The following STPG2 variants were observed in gnomAD, a reference collection of about 807,000 sequenced individuals.
The protein encoded by STPG2 is sperm tail PG-rich repeat containing 2.
Under a neutral mutation model 54.2 loss-of-function variants are expected in STPG2, and 56 were observed. The ratio of observed to expected loss-of-function variants is 1.03; its 90% CI spans 0.83 to 1.29. STPG2 has a LOEUF of 1.29. STPG2 is among the 50% of genes most tolerant of loss of function. The pLI is 0.00. For synonymous variants in STPG2, 200 were observed against 181.8 expected (o/e 1.10, Z -0.81); for missense variants, 596 against 544.9 (o/e 1.09, Z -0.93).
intron 10 of STPG2, among the ~76,000 whole-genome samples, chr4:97,586,452 C>T (rs1295969780): frequency 4.6e-5 from 7 of 151,984 alleles, no homozygotes; most frequent in Admixed American, 4.6e-4. Context: ...ATGGAAGACA[C>T]ATAATTACAT....
intron 9 of STPG2, among the ~76,000 whole-genome samples, chr4:97,836,110 G>A (rs1728623198): frequency 6.6e-6 from 1 of 152,026 alleles, no homozygotes; most frequent in South Asian, 2.1e-4. Context: ...TGTAGGGTTA[G>A]GGAGGATTAA....
At chr4:98,119,593 T>TA (rs965468013) in intron 3 of STPG2, among the ~76,000 whole-genome samples, 3 of 152,054 alleles carry the variant, frequency 2.0e-5, no homozygotes, top group African/African-American at 7.2e-5. Context: ...ATTATGGTTA[T>TA]AAAAAAGAAT....
intron 7 of STPG2, among the ~76,000 whole-genome samples, chr4:97,964,675 C>A (rs911288386): frequency 2.0e-5 from 3 of 152,100 alleles, no homozygotes; most frequent in Non-Finnish European, 4.4e-5. Context: ...AGTTATATAA[C>A]AATTCTTACC....
At chr4:97,984,894 T>G (rs942511706) in intron 5 of STPG2, among the ~76,000 whole-genome samples, 1 of 152,178 alleles carries the variant, frequency 6.6e-6, no homozygotes, top group South Asian at 2.1e-4. Context: ...TGCAAGCCAG[T>G]ACAAATAAAC....
chr4:97,816,089 T>C (rs1020102225), intron 9 of STPG2, among the ~76,000 whole-genome samples: 1 of 152,116 alleles, frequency 6.6e-6, no homozygotes, highest in African/African-American at 2.4e-5. Flanking sequence ...GTCCATGTGT[T>C]CTCATTGTTC....
intron 1 of STPG2, 124 bp downstream of exon 1, chr4:98,142,918 A>G (rs780995439): frequency 1.2e-6 from 1 of 802,798 alleles, no homozygotes; most frequent in Non-Finnish European, 2.1e-6. Context: ...TGCCTACTTC[A>G]TGTTTTGTTA....
chr4:97,739,207 C>T (rs146271263), intron 9 of STPG2, among the ~76,000 whole-genome samples: 127,280 of 151,746 alleles, frequency 0.84, 53,539 homozygotes, highest in Middle Eastern at 0.95. Context: ...GGGACACATT[C>T]AAAGCAGTGT....
At chr4:98,006,203 G>C (rs532769874) in intron 5 of STPG2, among the ~76,000 whole-genome samples, 19 of 152,304 alleles carry the variant, frequency 1.2e-4, no homozygotes, top group Non-Finnish European at 2.6e-4. Flanking sequence ...GGGAAGAGAA[G>C]TTGGTCAGAC....
chr4:97,979,268 C>CAAG (rs1553930983), intron 6 of STPG2, among the ~76,000 whole-genome samples: 1 of 151,872 alleles, frequency 6.6e-6, no homozygotes, highest in East Asian at 1.9e-4. Context: ...AAGGATGACT[C>CAAG]AGCAGAACCA....
chr4:97,586,193 T>C (rs1732993443), intron 10 of STPG2, among the ~76,000 whole-genome samples: 1 of 151,890 alleles, frequency 6.6e-6, no homozygotes, highest in African/African-American at 2.4e-5. Context: ...GAAAACTCCC[T>C]GGATGGACAC....
chr4:98,119,478 A>G (rs948494135), intron 3 of STPG2, among the ~76,000 whole-genome samples: 2 of 152,164 alleles, frequency 1.3e-5, no homozygotes, highest in Non-Finnish European at 2.9e-5. Flanking sequence ...GTAATATCAG[A>G]CTGAACTCTG....
At chr4:97,861,726 G>A (rs192827797) in intron 8 of STPG2, among the ~76,000 whole-genome samples, 34 of 152,206 alleles carry the variant, frequency 2.2e-4, no homozygotes, top group Non-Finnish European at 3.5e-4. Context: ...CTGCTCTCTC[G>A]GCAGAAACTC....
At chr4:97,477,476 G>GTTT (rs1018809087) in intron 4 of STPG2, among the ~76,000 whole-genome samples, 41 of 120,384 alleles carry the variant, frequency 3.4e-4, no homozygotes, top group African/African-American at 4.0e-4. Context: ...TTCCTTTTTT[G>GTTT]TTTTTTTTTT....
chr4:97,786,895 G>A (rs1224496669), intron 9 of STPG2, among the ~76,000 whole-genome samples: 2 of 151,938 alleles, frequency 1.3e-5, no homozygotes, highest in African/African-American at 4.8e-5. Flanking sequence ...CTCTTACTGT[G>A]GAAATTTATA....
chr4:97,524,119 T>TG (rs898164697), intron 4 of STPG2, among the ~76,000 whole-genome samples: 21 of 152,064 alleles, frequency 1.4e-4, no homozygotes, highest in African/African-American at 5.1e-4. Context: ...ACTGGAAAGT[T>TG]GAACTATAGC....
At chr4:98,093,735 C>T (rs1169372443) in intron 5 of STPG2, among the ~76,000 whole-genome samples, 1 of 152,182 alleles carries the variant, frequency 6.6e-6, no homozygotes. Context: ...AGAATCAGTA[C>T]ATTTTGGAGA....
At chr4:97,949,475 T>TC (rs1190377238) in intron 7 of STPG2, among the ~76,000 whole-genome samples, 1 of 152,170 alleles carries the variant, frequency 6.6e-6, no homozygotes, top group Non-Finnish European at 1.5e-5. Flanking sequence ...TACTTTTTTT[T>TC]CTTCATTGTA....
At chr4:98,092,625 T>G (rs932203289) in intron 5 of STPG2, among the ~76,000 whole-genome samples, 1 of 152,096 alleles carries the variant, frequency 6.6e-6, no homozygotes, top group Non-Finnish European at 1.5e-5. Context: ...ATTATTAACC[T>G]GTTTAGCATA....
chr4:97,684,449 C>T (rs1723125730), intron 10 of STPG2, among the ~76,000 whole-genome samples: 1 of 151,948 alleles, frequency 6.6e-6, no homozygotes, highest in African/African-American at 2.4e-5. Context: ...GCCAACTGAT[C>T]TTTGGCAAGG....
Sources: allele counts gnomAD v4.1 joint callset (sites outside exome capture counted in the v4.1 genomes callset), GRCh38; gene constraint gnomAD v4.1.1; transcripts MANE v1.5; gene names NCBI Gene and HGNC (gene_info 2026-07-23, HGNC 2026-07-21).